The following BACH2 variants were observed in gnomAD, a reference collection of about 807,000 sequenced individuals.
BACH2 encodes the protein transcription regulator protein BACH2.
BACH2 carries 5 observed loss-of-function variants against 61.8 expected under a neutral mutation model. The ratio of observed to expected loss-of-function variants is 0.08; its 90% confidence interval spans 0.04 to 0.17. BACH2 has a LOEUF of 0.17. Ranked by LOEUF, BACH2 falls within the 10% of genes least tolerant of loss-of-function variation. BACH2 has a pLI of 1.00. For missense variants in BACH2, 824 were observed against 1,091.1 expected (o/e 0.76, Z 3.45); for synonymous variants, 446 against 440.1 (o/e 1.01, Z -0.17).
intron 5 of BACH2, among the ~76,000 whole-genome samples, chr6:90,062,084 T>C (rs1330281070): frequency 6.6e-6 from 1 of 152,112 alleles, no homozygotes; most frequent in Non-Finnish European, 1.5e-5. Flanking sequence ...AAACTGATCA[T>C]GCAGGAAAGA....
chr6:90,216,009 GT>G (rs1218665142), intron 3 of BACH2, among the ~76,000 whole-genome samples: 1 of 152,218 alleles, frequency 6.6e-6, no homozygotes, highest in Non-Finnish European at 1.5e-5. Flanking sequence ...GCACACTGAT[GT>G]TTTAGTAGAA....
At chr6:90,257,300 C>T (rs573519227) in intron 2 of BACH2, among the ~76,000 whole-genome samples, 1 of 152,276 alleles carries the variant, frequency 6.6e-6, no homozygotes, top group South Asian at 2.1e-4. Flanking sequence ...TTAGAAACCT[C>T]TATAACGTTT....
At chr6:90,058,432 C>T (rs1040539540) in intron 5 of BACH2, among the ~76,000 whole-genome samples, 3 of 152,162 alleles carry the variant, frequency 2.0e-5, no homozygotes, top group Admixed American at 1.3e-4. Flanking sequence ...TGAAGGAGCT[C>T]TTCAAGGAGA....
intron 6 of BACH2, among the ~76,000 whole-genome samples, chr6:90,000,311 A>G (rs550749272): frequency 6.6e-6 from 1 of 152,358 alleles, no homozygotes; most frequent in African/African-American, 2.4e-5. Context: ...TAGGCATTTC[A>G]AAATTATCAG....
rs543186295 is a variant in BACH2, at chr6:90,087,719, A to ATG, written c.-13+1240_-13+1241dup. On this transcript the variant is annotated intron_variant, in intron 5 of 8. Transcript: ENST00000257749. Reference sequence around the variant, plus strand: ...TCATTGGAGGTGTGCTTCCCTTCCCATGTGTGTGTTTTTTTTTTATTTTTA... The same window carrying ATG: ...TCATTGGAGGTGTGCTTCCCTTCCCATGTGTGTGTGTTTTTTTTTTATTTTTA... Among the ~76,000 whole-genome samples the ATG allele has an allele frequency of 6.3e-4, 93 of 146,516 alleles. 3 individuals are homozygous for ATG. The highest frequency in any genetic ancestry group is 4.2e-3 in the South Asian group (18 of 4,258).
chr6:90,043,098 T>C (rs73497156), intron 5 of BACH2, among the ~76,000 whole-genome samples: 6,070 of 152,142 alleles, frequency 0.04, 401 homozygotes, highest in African/African-American at 0.14. Flanking sequence ...TGAATGAGGG[T>C]GTCATTTACT....
At chr6:90,089,311 G>A (rs1419626236) in intron 4 of BACH2, among the ~76,000 whole-genome samples, 1 of 151,960 alleles carries the variant, frequency 6.6e-6, no homozygotes, top group East Asian at 1.9e-4. Context: ...CCTGGGCTCT[G>A]CCTACTAGAA....
intron 2 of BACH2, among the ~76,000 whole-genome samples, chr6:90,254,873 T>C (rs1183697199): frequency 6.6e-6 from 1 of 152,178 alleles, no homozygotes; most frequent in Non-Finnish European, 1.5e-5. Context: ...AACTCAAAAC[T>C]ACTCCCCTGA....
intron 4 of BACH2, among the ~76,000 whole-genome samples, chr6:90,197,388 T>C (rs1233679704): frequency 6.6e-6 from 1 of 152,206 alleles, no homozygotes; most frequent in African/African-American, 2.4e-5. Context: ...ATTGTTAATA[T>C]TCTAGAGATG....
At chr6:90,231,305 T>C (rs1770088954) in intron 3 of BACH2, among the ~76,000 whole-genome samples, 1 of 152,230 alleles carries the variant, frequency 6.6e-6, no homozygotes, top group South Asian at 2.1e-4. Context: ...GTCTTTCAGT[T>C]GCTAAGTCTC....
At chr6:90,154,745 T>G (rs1359247555) in intron 4 of BACH2, among the ~76,000 whole-genome samples, 2 of 152,198 alleles carry the variant, frequency 1.3e-5, no homozygotes, top group African/African-American at 2.4e-5. Flanking sequence ...CTGATGGCCC[T>G]AGTTCTAGCC....
At chr6:90,134,011 T>G (rs557293233) in intron 4 of BACH2, among the ~76,000 whole-genome samples, 6 of 152,366 alleles carry the variant, frequency 3.9e-5, no homozygotes, top group African/African-American at 1.4e-4. Flanking sequence ...TGTGTGCATG[T>G]GTCTTTATAG....
rs190854470 is a variant in BACH2 at position 90,239,068 on chromosome 6, G to C, written c.-275+13445C>G. ...GCAGCAGCAGGTTAGCTGCTGCACT[G>C]AATTTTACTGACTGAAAGCCACTAG... On this transcript the variant is annotated intron_variant, in intron 3 of 8. Transcript: ENST00000257749. Among the ~76,000 whole-genome samples the C allele has an allele frequency of 3.9e-5, 6 of 152,304 alleles. No homozygotes were observed. In the East Asian group the frequency reaches 1.2e-3, roughly 29 times the overall value.
chr6:89,992,971 T>C (rs1348495653), intron 6 of BACH2, among the ~76,000 whole-genome samples: 8 of 152,150 alleles, frequency 5.3e-5, no homozygotes, highest in Non-Finnish European at 1.2e-4. Context: ...GGGGCCCTAA[T>C]TGGATAGAAG....
At chr6:90,137,103 C>T (rs544565788) in intron 4 of BACH2, among the ~76,000 whole-genome samples, 7 of 152,206 alleles carry the variant, frequency 4.6e-5, no homozygotes, top group East Asian at 1.9e-4. Flanking sequence ...AGAGAACAGA[C>T]GGCAAAGCCT....
Position 90,008,977 on chromosome 6 carries a change from G to T in BACH2, c.-12-121C>A. ...TCCTGTGTCCCACTGCCATGAGCAT[G>T]GCAGGAAGGAGGGGAATTACCAATC... On this transcript the variant is annotated intron_variant, in intron 5 of 8. Transcript: ENST00000257749. The surrounding 1 kb of genome is among the most constrained non-coding windows in gnomAD (Gnocchi z 4.1). 8.3e-7 allele frequency: 1 copy of T among 1,211,686 alleles called. No homozygotes were observed. Among genetic ancestry groups the T allele is most frequent in the Non-Finnish European group, 1.1e-6 (1 of 884,880 alleles). The allele number at this position is 1,211,686 out of a possible 1,614,324, so 75.1% of individuals were successfully genotyped here. A position where few individuals can be genotyped will look rare whatever the true frequency, so the allele number is the denominator to read the frequency against.
At chr6:89,999,195 G>A (rs1777003854) in intron 6 of BACH2, among the ~76,000 whole-genome samples, 1 of 152,184 alleles carries the variant, frequency 6.6e-6, no homozygotes, top group South Asian at 2.1e-4. Flanking sequence ...CTTCTATTCA[G>A]CTTTCAGCCT....
At chr6:90,087,527 C>A (rs1373134037) in intron 5 of BACH2, among the ~76,000 whole-genome samples, 2 of 152,140 alleles carry the variant, frequency 1.3e-5, no homozygotes. Context: ...TTTGTTTAGT[C>A]AAACTCTTCT....
At chr6:90,075,138 T>C (rs563566943) in intron 5 of BACH2, among the ~76,000 whole-genome samples, 1 of 152,138 alleles carries the variant, frequency 6.6e-6, no homozygotes, top group Non-Finnish European at 1.5e-5. Context: ...GTGCATGTCA[T>C]GGACGAAAAG....
Sources: allele counts gnomAD v4.1 joint callset (sites outside exome capture counted in the v4.1 genomes callset), GRCh38; gene constraint gnomAD v4.1.1; non-coding constraint Gnocchi (gnomAD v3.1); transcripts MANE v1.5; gene names NCBI Gene and HGNC (gene_info 2026-07-23, HGNC 2026-07-21).